Variants in ERBB4 observed in about 807,000 individuals in gnomAD.
The protein encoded by ERBB4 is receptor tyrosine-protein kinase erbB-4.
ERBB4 carries 42 observed loss-of-function variants against 158.0 expected under a neutral mutation model. The ratio of observed to expected loss-of-function variants is 0.27; its 90% CI spans 0.21 to 0.34. ERBB4 has a LOEUF of 0.34. Ranked by LOEUF, ERBB4 falls within the 10% of genes least tolerant of loss-of-function variation. ERBB4 has a pLI of 1.00. For synonymous variants in ERBB4, 583 were observed against 558.7 expected (o/e 1.04, Z -0.61); for missense variants, 1,333 against 1,624.1 (o/e 0.82, Z 3.08).
intron 20 of ERBB4, among the ~76,000 whole-genome samples, chr2:211,547,714 A>G (rs1195325155): frequency 6.6e-6 from 1 of 152,126 alleles, no homozygotes; most frequent in Non-Finnish European, 1.5e-5. Context: ...TACACACATG[A>G]AATAAAATTT....
chr2:211,538,045 C>G (rs1207717445), intron 20 of ERBB4, among the ~76,000 whole-genome samples: 1 of 146,852 alleles, frequency 6.8e-6, no homozygotes, highest in East Asian at 1.9e-4. Context: ...TCAGAAACAT[C>G]CAATAATAGG....
intron 2 of ERBB4, among the ~76,000 whole-genome samples, chr2:212,055,357 CT>C (rs763806324): frequency 4.6e-5 from 7 of 152,196 alleles, no homozygotes; most frequent in Non-Finnish European, 7.3e-5. Flanking sequence ...CTTCTGTAGA[CT>C]CCACCTCTGG....
intron 20 of ERBB4, among the ~76,000 whole-genome samples, chr2:211,529,104 C>T (rs2066427161): frequency 6.8e-6 from 1 of 147,832 alleles, no homozygotes; most frequent in African/African-American, 2.5e-5. Flanking sequence ...AAACCATTAG[C>T]CAGACTAACT....
intron 1 of ERBB4, among the ~76,000 whole-genome samples, chr2:212,510,959 T>A (rs901021639): frequency 2.0e-5 from 3 of 152,076 alleles, no homozygotes; most frequent in Admixed American, 1.3e-4. Context: ...AGTAAAATTA[T>A]AATAACAAAA....
chr2:211,986,204 C>T (rs2081933271), intron 2 of ERBB4, among the ~76,000 whole-genome samples: 1 of 152,118 alleles, frequency 6.6e-6, no homozygotes, highest in Non-Finnish European at 1.5e-5. Flanking sequence ...AACAAGGAAC[C>T]AATCCTGCAT....
chr2:212,315,727 C>T (rs766614945), intron 1 of ERBB4, among the ~76,000 whole-genome samples: 6 of 151,382 alleles, frequency 4.0e-5, no homozygotes, highest in Admixed American at 6.6e-5. Flanking sequence ...TAGCTTTCCT[C>T]GTCACCAAAT....
intron 2 of ERBB4, among the ~76,000 whole-genome samples, chr2:212,107,565 G>A (rs902810655): frequency 6.6e-6 from 1 of 152,172 alleles, no homozygotes; most frequent in African/African-American, 2.4e-5. Context: ...ACACTGAAAT[G>A]AGATAAGACT....
intron 3 of ERBB4, among the ~76,000 whole-genome samples, chr2:211,942,294 TACA>T (rs2080521932): frequency 6.6e-6 from 1 of 152,170 alleles, no homozygotes; most frequent in South Asian, 2.1e-4. Context: ...TTTCAAATTT[TACA>T]ACATTTACAT....
At chr2:212,272,926 A>G (rs541586110) in intron 1 of ERBB4, among the ~76,000 whole-genome samples, 49 of 151,598 alleles carry the variant, frequency 3.2e-4, no homozygotes, top group Non-Finnish European at 2.7e-4. Flanking sequence ...AATTATTTCT[A>G]TTATTATATA....
chr2:212,522,416 C>T (rs1055918499), intron 1 of ERBB4, among the ~76,000 whole-genome samples: 2 of 151,658 alleles, frequency 1.3e-5, no homozygotes, highest in Non-Finnish European at 2.9e-5. Flanking sequence ...AGGAAAAGCA[C>T]ATTAAATTAT....
chr2:212,063,586 A>G lies in ERBB4; in HGVS notation c.234+61166T>C, dbSNP rs145887213. ...GTCCTAAGATTTTATCACCACTGAA[A>G]GCATGATAGCAAACCCAGCAACCAT... On this transcript the variant is annotated intron_variant, in intron 2 of 27. Transcript: ENST00000342788. 7.9e-3 allele frequency among the ~76,000 whole-genome samples: 1,202 copies of G among 152,284 alleles called. 11 individuals carry two copies. The highest frequency in any genetic ancestry group is 0.027 in the African/African-American group (1,102 of 41,578).
chr2:211,811,864 A>T (rs901774618), intron 3 of ERBB4, among the ~76,000 whole-genome samples: 2 of 151,904 alleles, frequency 1.3e-5, no homozygotes, highest in African/African-American at 4.8e-5. Flanking sequence ...TTTCAGCTCC[A>T]TCAGGTCATT....
intron 16 of ERBB4, among the ~76,000 whole-genome samples, chr2:211,657,375 G>C (rs921618868): frequency 6.6e-6 from 1 of 152,050 alleles, no homozygotes; most frequent in Middle Eastern, 3.4e-3. Flanking sequence ...CAGGCATGGT[G>C]GTGGGCACTT....
intron 19 of ERBB4, among the ~76,000 whole-genome samples, chr2:211,600,019 T>C (rs1307082286): frequency 1.3e-5 from 2 of 152,166 alleles, no homozygotes; most frequent in East Asian, 3.9e-4. Context: ...TAGTTCTCAA[T>C]AAGCAATCAT....
At chr2:212,015,103 T>A (rs2076494991) in intron 2 of ERBB4, among the ~76,000 whole-genome samples, 12 of 80,344 alleles carry the variant, frequency 1.5e-4, no homozygotes, top group East Asian at 8.8e-4. Context: ...TATATATATA[T>A]ATATATATAA....
At chr2:211,792,472 T>TG (rs2076297148) in intron 3 of ERBB4, among the ~76,000 whole-genome samples, 1 of 151,818 alleles carries the variant, frequency 6.6e-6, no homozygotes, top group South Asian at 2.1e-4. Flanking sequence ...TATACAATAT[T>TG]ACTGCAGACA....
chr2:211,851,271 A>C (rs2077715118), intron 3 of ERBB4, among the ~76,000 whole-genome samples: 1 of 152,018 alleles, frequency 6.6e-6, no homozygotes, highest in Non-Finnish European at 1.5e-5. Context: ...CATGGTGTTA[A>C]GGTCTGCAAG....
At chr2:212,468,553 C>T (rs1049709541) in intron 1 of ERBB4, among the ~76,000 whole-genome samples, 13 of 152,098 alleles carry the variant, frequency 8.5e-5, no homozygotes, top group Non-Finnish European at 1.9e-4. Flanking sequence ...GTGAGGCCTC[C>T]CCAGCCATGT....
At chr2:211,674,202 C>T (rs188353196) in intron 13 of ERBB4, among the ~76,000 whole-genome samples, 4 of 152,142 alleles carry the variant, frequency 2.6e-5, no homozygotes, top group African/African-American at 7.2e-5. Context: ...TAAAATTTGA[C>T]GATGTTTAGC....
Sources: gnomAD v4.1 joint callset for allele counts (sites outside exome capture counted in the v4.1 genomes callset) on GRCh38, gnomAD v4.1.1 for gene constraint, MANE v1.5 for transcripts, NCBI Gene and HGNC (gene_info 2026-07-23, HGNC 2026-07-21) for gene names.